Variants in UBE2W observed in about 807,000 individuals in gnomAD.
The protein encoded by UBE2W is ubiquitin conjugating enzyme E2 W.
In UBE2W, 18 loss-of-function variants were observed where a neutral mutation model predicts 27.2. The observed-to-expected ratio is 0.66, with a 90% CI of 0.46 to 0.98. UBE2W has a LOEUF of 0.98. Among genes scored for constraint, UBE2W ranks in the 50% least tolerant of loss-of-function variants. The pLI is 0.00. For synonymous variants in UBE2W, 53 were observed against 57.2 expected (o/e 0.93, Z 0.33); for missense variants, 90 against 180.2 (o/e 0.50, Z 2.87).
At chr8:73,802,977 T>A (rs2130859385) in intron 5 of UBE2W, among the ~76,000 whole-genome samples, 1 of 152,276 alleles carries the variant, frequency 6.6e-6, no homozygotes, top group Non-Finnish European at 1.5e-5. Flanking sequence ...TGAGCCGAAG[T>A]TGCGAAACTG....
chr8:73,801,488 G>C (rs1216208405), intron 5 of UBE2W, among the ~76,000 whole-genome samples: 1 of 152,158 alleles, frequency 6.6e-6, no homozygotes, highest in Non-Finnish European at 1.5e-5. Context: ...AAAAACACTT[G>C]TAAAAAAGAA....
Position 73,791,240 on chromosome 8 carries a change from T to C in UBE2W, c.*2862A>G. 2 of 980,422 alleles carry C rather than the reference T, an allele frequency of 2.0e-6. No individual in the cohort carries two copies. The highest frequency in any genetic ancestry group is 2.4e-6 in the Non-Finnish European group (2 of 828,944). The allele number at this position is 980,422 out of a possible 1,614,324, so 60.7% of individuals were successfully genotyped here. ...TGAAAACAATCCTTCTCTCTAAACC[T>C]ATGGCATTAATCCCTACTTGACCAA... On this transcript the variant is annotated 3_prime_UTR_variant, in exon 6 of 6. Transcript: ENST00000602593.
At chr8:73,805,578 CAA>C (rs891329800) in intron 5 of UBE2W, 71 bp downstream of exon 5, 9 of 875,540 alleles carry the variant, frequency 1.0e-5, no homozygotes, top group Admixed American at 3.7e-5. Context: ...TTCTTTTTCC[CAA>C]GTCTTATAGC....
chr8:73,878,587 C>A (rs1341878071), intron 1 of UBE2W, among the ~76,000 whole-genome samples: 3 of 152,318 alleles, frequency 2.0e-5, no homozygotes, highest in East Asian at 1.9e-4. Flanking sequence ...AACTTCCCGG[C>A]CGGCTGGTGT....
intron 1 of UBE2W, among the ~76,000 whole-genome samples, chr8:73,833,442 A>G (rs1430497791): frequency 6.6e-6 from 1 of 152,056 alleles, no homozygotes; most frequent in African/African-American, 2.4e-5. Context: ...GCACAGTTTA[A>G]TATTTCAAGG....
intron 3 of UBE2W, 50 bp from the exon 4 acceptor site, chr8:73,810,679 A>C: frequency 7.1e-7 from 1 of 1,403,776 alleles, no homozygotes. Context: ...CTACTACCAA[A>C]AACTAAAATA....
intron 1 of UBE2W, among the ~76,000 whole-genome samples, chr8:73,872,901 C>CTTTT (rs869161392): frequency 7.5e-6 from 1 of 132,706 alleles, no homozygotes; most frequent in African/African-American, 2.8e-5. Context: ...TTTTTTTTTC[C>CTTTT]TTTTTTTTTT....
intron 1 of UBE2W, among the ~76,000 whole-genome samples, chr8:73,852,436 C>G (rs1811119770): frequency 6.6e-6 from 1 of 152,112 alleles, no homozygotes; most frequent in Non-Finnish European, 1.5e-5. Flanking sequence ...TTCTGAAAAC[C>G]TTGACTCAGA....
At chr8:73,849,512 CA>C (rs71269951) in intron 1 of UBE2W, among the ~76,000 whole-genome samples, 663 of 22,610 alleles carry the variant, frequency 0.029, 1 homozygote, top group African/African-American at 0.093. Context: ...AACTCCATCT[CA>C]AAAAAAAAAA....
Position 73,788,346 on chromosome 8 carries a change from GCTTT to G in UBE2W, c.*5752_*5755del. 1 of 985,360 alleles carries G rather than the reference GCTTT, an allele frequency of 1.0e-6. No individual in the cohort carries two copies. The highest frequency in any genetic ancestry group is 1.1e-4 in the East Asian group (1 of 8,812). The allele number at this position is 985,360 out of a possible 1,614,324, so 61.0% of individuals were successfully genotyped here. A position where few individuals can be genotyped will look rare whatever the true frequency, so the allele number is the denominator to read the frequency against. The stretch of plus-strand genomic sequence containing the variant: ...ACCCTATTCAAATCCTCAAGCATGA[GCTTT>G]CATTCCTATTAATAAAATGCACACT... On this transcript the variant is annotated 3_prime_UTR_variant, in exon 6 of 6. Coordinates refer to ENST00000602593, the MANE Select transcript of UBE2W (RefSeq NM_018299.6).
chr8:73,798,929 GT>G (rs370224389), intron 5 of UBE2W, among the ~76,000 whole-genome samples: 25 of 140,696 alleles, frequency 1.8e-4, no homozygotes, highest in African/African-American at 1.2e-4. Flanking sequence ...GGTTAGGCTT[GT>G]TTTTTTTTTA....
intron 5 of UBE2W, among the ~76,000 whole-genome samples, chr8:73,800,984 C>T (rs1169406046): frequency 6.6e-6 from 1 of 152,046 alleles, no homozygotes; most frequent in African/African-American, 2.4e-5. Context: ...CCCAGCTACT[C>T]GGGAGCTGAG....
intron 1 of UBE2W, among the ~76,000 whole-genome samples, chr8:73,852,845 AT>A (rs1251594536): frequency 1.8e-4 from 27 of 152,202 alleles, no homozygotes; most frequent in African/African-American, 6.5e-4. Context: ...CGAAAGAACT[AT>A]GTAAACTATG....
chr8:73,839,326 T>A (rs1810435984), intron 1 of UBE2W, among the ~76,000 whole-genome samples: 1 of 146,626 alleles, frequency 6.8e-6, no homozygotes, highest in Admixed American at 7.0e-5. Flanking sequence ...ATGGAAGACA[T>A]TTTTTTAAAA....
chr8:73,833,314 C>T (rs1428317427), intron 1 of UBE2W, among the ~76,000 whole-genome samples: 33 of 150,734 alleles, frequency 2.2e-4, no homozygotes. Flanking sequence ...AAATTTTATG[C>T]CTTGTGACGA....
chr8:73,820,197 C>G (rs1175809622), intron 3 of UBE2W, among the ~76,000 whole-genome samples: 5 of 152,112 alleles, frequency 3.3e-5, no homozygotes. Flanking sequence ...AGGACTGGTT[C>G]TAGCCACTTT....
chr8:73,810,131 G>A (rs1426926921), intron 4 of UBE2W, among the ~76,000 whole-genome samples: 1 of 152,114 alleles, frequency 6.6e-6, no homozygotes, highest in Non-Finnish European at 1.5e-5. Context: ...GCACTTTTCT[G>A]AGGCTTTCCA....
At chr8:73,848,431 A>G (rs1308602921) in intron 1 of UBE2W, among the ~76,000 whole-genome samples, 1 of 152,214 alleles carries the variant, frequency 6.6e-6, no homozygotes, top group Non-Finnish European at 1.5e-5. Context: ...TCATGCCTGT[A>G]ATCCCAGAAC....
chr8:73,858,879 CGTGTGTGTGT>C (rs5892434), intron 1 of UBE2W, among the ~76,000 whole-genome samples: 44 of 141,728 alleles, frequency 3.1e-4, no homozygotes, highest in African/African-American at 9.9e-4. Flanking sequence ...TTTTTGCGTG[CGTGTGTGTGT>C]GTGTGTGTGT....
Sources: allele counts gnomAD v4.1 joint callset (sites outside exome capture counted in the v4.1 genomes callset), GRCh38; gene constraint gnomAD v4.1.1; transcripts MANE v1.5; gene names NCBI Gene and HGNC (gene_info 2026-07-23, HGNC 2026-07-21).